Variants in RANBP2 observed in about 807,000 individuals in gnomAD.
RANBP2 encodes the protein RAN binding protein 2, also known as E3 SUMO-protein ligase RanBP2.
In RANBP2, 57 loss-of-function variants were observed where a neutral mutation model predicts 303.6. The ratio of observed to expected loss-of-function variants is 0.19; its 90% CI spans 0.15 to 0.23. The LOEUF is 0.23. Ranked by LOEUF, RANBP2 falls within the 10% of genes least tolerant of loss-of-function variation. The pLI, the probability that RANBP2 is intolerant of heterozygous loss-of-function variation, is 1.00. For synonymous variants in RANBP2, 1,167 were observed against 1,301.5 expected, an observed-to-expected ratio of 0.90 and a Z score of 2.23; for missense variants, 3,138 against 3,780.8, an observed-to-expected ratio of 0.83 and a Z score of 4.46.
At chr2:108,853,976 AATATATAATATATAATAAATTTATATT>A in the RANBP2 span, among the ~76,000 whole-genome samples, 62,299 of 89,652 alleles carry the variant, frequency 0.69, 23,555 homozygotes, top group East Asian at 0.9. Flanking sequence ...AAATATATAT[AATATATAATATATAATAAATTTATATT>A]ATATATAATA....
rs1676874102 is a variant in RANBP2, at chr2:108,763,345, C to G, written c.2806C>G (p.Gln936Glu). 6.2e-7 allele frequency: 1 copy of G among 1,613,988 alleles called. No individual in the cohort carries two copies. The highest frequency in any genetic ancestry group is 2.2e-5 in the East Asian group (1 of 44,864). ...VQSSSACMFS[Q>E]EMYGPPALRF... is the part of the protein sequence containing the mutation. The stretch of plus-strand genomic sequence containing the variant: ...AAGCTCATCTGCTTGTATGTTCTCT[C>G]AGGAGATGTATGGTCCTCCTGCATT... The change falls in exon 20 of 29, where the codon CAG (glutamine) becomes GAG (glutamate). Residue 936 changes from glutamine to glutamate, a missense_variant. Gln to Glu is a conservative substitution (Grantham distance 29). Transcript: ENST00000283195.
At chr2:108,871,774 T>G in the RANBP2 span, among the ~76,000 whole-genome samples, 1 of 152,190 alleles carries the variant, frequency 6.6e-6, no homozygotes, top group South Asian at 2.1e-4. Flanking sequence ...CTTTTCATCT[T>G]CCCCGCCTCC....
chr2:108,884,766 A>G, the RANBP2 span: 1 of 152,128 alleles, frequency 6.6e-6, no homozygotes, highest in African/African-American at 2.4e-5. Flanking sequence ...GGGAAAGGCC[A>G]CTTGACCTCT....
At chr2:108,938,715 T>G in the RANBP2 span, among the ~76,000 whole-genome samples, 68 of 152,114 alleles carry the variant, frequency 4.5e-4, 2 homozygotes, top group South Asian at 7.3e-3. Context: ...ATTTTCAGGG[T>G]GAAATCAGAA....
At chr2:109,257,628 T>C in the RANBP2 span, among the ~76,000 whole-genome samples, 5 of 152,260 alleles carry the variant, frequency 3.3e-5, no homozygotes, top group South Asian at 2.1e-4. Context: ...ACCCATCCCA[T>C]GAAGAAGACT....
At chr2:109,564,251 A>G in the RANBP2 span, 2 of 937,408 alleles carry the variant, frequency 2.1e-6, no homozygotes, top group Middle Eastern at 3.8e-4. Context: ...AAATGATTCT[A>G]TATCATGGTT....
At chr2:108,788,993 G>A (rs750857840), downstream of RANBP2, 2 of 1,612,072 alleles carry the variant, frequency 1.2e-6, no homozygotes, top group East Asian at 4.5e-5. Context: ...CTTTACTGTT[G>A]CTACCCCCTC....
At chr2:109,383,767 G>T in the RANBP2 span, among the ~76,000 whole-genome samples, 6 of 152,180 alleles carry the variant, frequency 3.9e-5, no homozygotes, top group African/African-American at 1.4e-4. Context: ...CCTTGAAAGT[G>T]AGAGCAATTA....
the RANBP2 span, among the ~76,000 whole-genome samples, chr2:109,777,276 G>A: frequency 6.7e-6 from 1 of 148,678 alleles, no homozygotes; most frequent in Non-Finnish European, 1.5e-5. Context: ...TTTGTCAAAG[G>A]CTTTTCTACA....
At chr2:109,337,303 C>T in the RANBP2 span, among the ~76,000 whole-genome samples, 2 of 152,200 alleles carry the variant, frequency 1.3e-5, no homozygotes, top group Non-Finnish European at 2.9e-5. Context: ...GCAGGGCTGC[C>T]GGGAGCCCTG....
chr2:109,145,073 C>T, the RANBP2 span, among the ~76,000 whole-genome samples: 7 of 152,190 alleles, frequency 4.6e-5, no homozygotes, highest in African/African-American at 1.7e-4. Context: ...GTGTTAAGGG[C>T]CCTCTTACGG....
At chr2:108,888,513 AAT>A in the RANBP2 span, among the ~76,000 whole-genome samples, 1 of 151,494 alleles carries the variant, frequency 6.6e-6, no homozygotes, top group East Asian at 1.9e-4. Context: ...TTTGTTGGGT[AAT>A]TTTTTTATTA....
chr2:108,908,424 C>G, the RANBP2 span, among the ~76,000 whole-genome samples: 2 of 152,332 alleles, frequency 1.3e-5, no homozygotes, highest in Admixed American at 6.5e-5. Flanking sequence ...TCATGTTAAG[C>G]AAACAGATTG....
At chr2:109,301,073 C>G in the RANBP2 span, among the ~76,000 whole-genome samples, 4 of 152,212 alleles carry the variant, frequency 2.6e-5, no homozygotes, top group African/African-American at 9.6e-5. Context: ...GTGCCCAGTA[C>G]AGTAAATTCT....
chr2:108,720,315 G>GC lies in RANBP2; in HGVS notation c.72+643dup, dbSNP rs1488160393. The GC allele has an allele frequency of 8.2e-6, 6 of 734,282 alleles. No individual in the cohort carries two copies. The African/African-American group carries it at 1.1e-4, about 13-fold the overall frequency. 45.5% of individuals were successfully genotyped at this position (734,282 alleles called of 1,614,324 possible). ...TCCGCTCCTCATACTCACCTCCCTC[G>GC]CCCCCCTCCCCGCCCGGAACACTTT... On this transcript the variant is annotated intron_variant, in intron 1 of 28. Transcript: ENST00000283195.
the RANBP2 span, among the ~76,000 whole-genome samples, chr2:109,193,747 ACAATTAAAGGGAGGG>A: frequency 1.3e-5 from 2 of 152,118 alleles, no homozygotes; most frequent in Middle Eastern, 3.2e-3. Flanking sequence ...TATTTTTCTC[ACAATTAAAGGGAGGG>A]CAATTAAAGG....
At chr2:109,714,770 A>G in the RANBP2 span, among the ~76,000 whole-genome samples, 1 of 151,404 alleles carries the variant, frequency 6.6e-6, no homozygotes, top group African/African-American at 2.4e-5. Flanking sequence ...CACCACCACC[A>G]GGCTAATTAT....
the RANBP2 span, among the ~76,000 whole-genome samples, chr2:109,409,411 G>A: frequency 6.6e-6 from 1 of 152,232 alleles, no homozygotes; most frequent in Non-Finnish European, 1.5e-5. Flanking sequence ...AGCAGTGGAT[G>A]GTGGGCATGG....
the RANBP2 span, among the ~76,000 whole-genome samples, chr2:109,249,465 TTC>T: frequency 4.4e-4 from 55 of 125,736 alleles, 1 homozygote; most frequent in South Asian, 7.3e-3. Flanking sequence ...CTTTCTCTCT[TTC>T]TCTTTCTTTC....
Sources: gnomAD v4.1 joint callset for allele counts (sites outside exome capture counted in the v4.1 genomes callset) on GRCh38, gnomAD v4.1.1 for gene constraint, MANE v1.5 for transcripts, NCBI Gene and HGNC (gene_info 2026-07-23, HGNC 2026-07-21) for gene names.